Variants in UGT1A10 observed in about 807,000 individuals in gnomAD.
UGT1A10 encodes the protein UDP glucuronosyltransferase family 1 member A10, also known as UDP-glucuronosyltransferase 1A10.
In UGT1A10, 49 loss-of-function variants were observed where a neutral mutation model predicts 45.8. That is an observed-to-expected ratio of 1.07 (90% CI 0.85 to 1.36). The LOEUF (loss-of-function observed/expected upper bound fraction) is 1.36. Among genes scored for constraint, UGT1A10 ranks in the 40% most tolerant of loss-of-function variants. The probability of loss-of-function intolerance (pLI) is 0.00; values close to 1 mark genes in which losing one functional copy is unlikely to be tolerated. For synonymous variants in UGT1A10, 284 were observed against 249.7 expected (o/e 1.14, Z -1.29); for missense variants, 745 against 668.6 (o/e 1.11, Z -1.26).
chr2:233,687,328 C>T (rs543520407), intron 1 of UGT1A10, among the ~76,000 whole-genome samples: 1 of 152,190 alleles, frequency 6.6e-6, no homozygotes, highest in East Asian at 1.9e-4. Context: ...GCAAGTTTCC[C>T]TTGAATGATT....
At chr2:233,743,542 C>A in intron 1 of UGT1A10, 1 of 1,364,376 alleles carries the variant, frequency 7.3e-7, no homozygotes, top group Non-Finnish European at 9.8e-7. Flanking sequence ...GTTCCTCTGA[C>A]CCCCCCAAAA....
At chr2:233,717,241 C>T (rs1043328555) in intron 1 of UGT1A10, among the ~76,000 whole-genome samples, 3 of 152,144 alleles carry the variant, frequency 2.0e-5, no homozygotes, top group African/African-American at 7.2e-5. Flanking sequence ...AAGATGCAGA[C>T]AGTTTTAAGG....
chr2:233,752,781 C>T (rs1162563529), intron 1 of UGT1A10, among the ~76,000 whole-genome samples: 1 of 152,170 alleles, frequency 6.6e-6, no homozygotes, highest in African/African-American at 2.4e-5. Flanking sequence ...AATAACCAAA[C>T]AAGCTTTACA....
intron 1 of UGT1A10, among the ~76,000 whole-genome samples, chr2:233,662,458 T>C (rs546869435): frequency 1.9e-4 from 29 of 152,354 alleles, no homozygotes; most frequent in African/African-American, 6.5e-4. Flanking sequence ...AGTAACCATT[T>C]ATATAAATGA....
chr2:233,718,187 C>G (rs1403409338), intron 1 of UGT1A10, among the ~76,000 whole-genome samples: 2 of 152,200 alleles, frequency 1.3e-5, no homozygotes, highest in Non-Finnish European at 2.9e-5. Flanking sequence ...TGAGCTCAGC[C>G]TCCCCGGAGC....
chr2:233,723,584 A>C (rs1403831697), intron 1 of UGT1A10, among the ~76,000 whole-genome samples: 1 of 77,864 alleles, frequency 1.3e-5, no homozygotes, highest in Non-Finnish European at 2.3e-5. Context: ...ACAGAGGGGG[A>C]TTTGGCAGGG....
intron 1 of UGT1A10, among the ~76,000 whole-genome samples, chr2:233,738,281 T>C (rs1690748430): frequency 6.6e-6 from 1 of 152,228 alleles, no homozygotes; most frequent in Non-Finnish European, 1.5e-5. Context: ...CCTTTATAAA[T>C]TACCCAGTCT....
chr2:233,692,758 C>G (rs932317185), intron 1 of UGT1A10: 26 of 1,183,656 alleles, frequency 2.2e-5, no homozygotes, highest in Non-Finnish European at 2.8e-5. Context: ...ACTTGTGGAG[C>G]TGAAGAGAAA....
intron 1 of UGT1A10, among the ~76,000 whole-genome samples, chr2:233,650,380 G>T (rs1028820439): frequency 2.0e-5 from 3 of 152,204 alleles, no homozygotes; most frequent in African/African-American, 7.2e-5. Flanking sequence ...TTGTTCAACT[G>T]AAATTTTTGT....
chr2:233,659,783 T>C (rs1559328684), intron 1 of UGT1A10, among the ~76,000 whole-genome samples: 1 of 152,252 alleles, frequency 6.6e-6, no homozygotes, highest in East Asian at 1.9e-4. Context: ...AGTGCCCATA[T>C]CATAGAAGGG....
At chr2:233,660,579 AT>A (rs2073942639) in intron 1 of UGT1A10, among the ~76,000 whole-genome samples, 1 of 151,780 alleles carries the variant, frequency 6.6e-6, no homozygotes, top group African/African-American at 2.4e-5. Flanking sequence ...GCTGGCGTTT[AT>A]TTTTTCCCTT....
chr2:233,743,932 C>T (rs927230635), intron 1 of UGT1A10: 9 of 1,358,952 alleles, frequency 6.6e-6, no homozygotes, highest in African/African-American at 5.9e-5. Flanking sequence ...ATGGCCAGAA[C>T]GGCCCACCAG....
intron 1 of UGT1A10, among the ~76,000 whole-genome samples, chr2:233,677,963 C>A (rs2074404460): frequency 6.6e-6 from 1 of 152,098 alleles, no homozygotes; most frequent in South Asian, 2.1e-4. Flanking sequence ...ATGTGGAACA[C>A]ATACTCCATG....
chr2:233,749,307 G>A (rs1308092621), intron 1 of UGT1A10, among the ~76,000 whole-genome samples: 5 of 151,782 alleles, frequency 3.3e-5, no homozygotes, highest in Non-Finnish European at 7.4e-5. Context: ...TAAAATATGT[G>A]TTTATTAGAT....
At chr2:233,758,574 A>G (rs1051442664) in intron 1 of UGT1A10, among the ~76,000 whole-genome samples, 1 of 152,190 alleles carries the variant, frequency 6.6e-6, no homozygotes, top group Non-Finnish European at 1.5e-5. Flanking sequence ...CTAAAAAATG[A>G]AGAGTGTTTG....
At chr2:233,696,391 G>A (rs898217771) in intron 1 of UGT1A10, among the ~76,000 whole-genome samples, 1 of 151,986 alleles carries the variant, frequency 6.6e-6, no homozygotes, top group Non-Finnish European at 1.5e-5. Context: ...TTCTTTGTAC[G>A]TTTTGTAAAT....
chr2:233,688,543 A>G (rs1256086932), intron 1 of UGT1A10, among the ~76,000 whole-genome samples: 1 of 152,132 alleles, frequency 6.6e-6, no homozygotes, highest in Admixed American at 6.5e-5. Context: ...CTTACATCAC[A>G]TGGTCTCTAA....
chr2:233,718,866 C>G (rs2125663221), intron 1 of UGT1A10: 8 of 1,613,892 alleles, frequency 5.0e-6, no homozygotes, highest in South Asian at 1.1e-5. Context: ...GGCCACAGGA[C>G]TGCTGCTCCT....
At chr2:233,708,101 A>G (rs1377829159) in intron 1 of UGT1A10, among the ~76,000 whole-genome samples, 3 of 152,230 alleles carry the variant, frequency 2.0e-5, no homozygotes, top group African/African-American at 7.2e-5. Flanking sequence ...GAATTAGAAT[A>G]AACATCTTAG....
Sources: allele counts gnomAD v4.1 joint callset (sites outside exome capture counted in the v4.1 genomes callset), GRCh38; gene constraint gnomAD v4.1.1; transcripts MANE v1.5; gene names NCBI Gene and HGNC (gene_info 2026-07-23, HGNC 2026-07-21).